Variants in ESRRG observed in about 807,000 individuals in gnomAD.
The protein encoded by ESRRG is estrogen related receptor gamma, also known as estrogen-related receptor gamma.
In ESRRG, 13 loss-of-function variants were observed where a neutral mutation model predicts 44.0. The observed-to-expected ratio is 0.30, with a 90% CI of 0.19 to 0.47. ESRRG has a LOEUF of 0.47. Among genes scored for constraint, ESRRG ranks in the 20% least tolerant of loss-of-function variants. The pLI, the probability that ESRRG is intolerant of heterozygous loss-of-function variation, is 1.00. For synonymous variants in ESRRG, 215 were observed against 214.6 expected (o/e 1.00, Z -0.02); for missense variants, 395 against 580.6 (o/e 0.68, Z 3.29).
intron 2 of ESRRG, among the ~76,000 whole-genome samples, chr1:216,902,306 T>C (rs2059170871): frequency 6.6e-6 from 1 of 152,078 alleles, no homozygotes; most frequent in Non-Finnish European, 1.5e-5. Context: ...CTTGCCAACA[T>C]GGCAAAACCC....
At chr1:216,522,836 C>T (rs1231707598) in intron 5 of ESRRG, among the ~76,000 whole-genome samples, 1 of 152,124 alleles carries the variant, frequency 6.6e-6, no homozygotes, top group Non-Finnish European at 1.5e-5. Flanking sequence ...CATAATTGCT[C>T]TATTGGCTTA....
chr1:216,596,714 G>A (rs1469947687), intron 3 of ESRRG, among the ~76,000 whole-genome samples: 1 of 152,220 alleles, frequency 6.6e-6, no homozygotes, highest in South Asian at 2.1e-4. Flanking sequence ...AGTCAATTTC[G>A]AAATAAGTGA....
At chr1:216,862,937 G>T (rs905544115) in intron 2 of ESRRG, 4 of 152,070 alleles carry the variant, frequency 2.6e-5, no homozygotes, top group African/African-American at 9.7e-5. Flanking sequence ...TACAAACAAA[G>T]ATAAGATTAT....
intron 1 of ESRRG, among the ~76,000 whole-genome samples, chr1:216,972,676 T>G (rs888828873): frequency 6.6e-6 from 1 of 152,214 alleles, no homozygotes; most frequent in Non-Finnish European, 1.5e-5. Flanking sequence ...AACACAAGTT[T>G]AAGTGTCTGC....
chr1:216,766,062 A>T (rs2093057904), intron 2 of ESRRG, among the ~76,000 whole-genome samples: 1 of 152,146 alleles, frequency 6.6e-6, no homozygotes, highest in South Asian at 2.1e-4. Flanking sequence ...TTCGTCACAA[A>T]TCTTGTAAAG....
rs537866412 is a variant in ESRRG at position 216,503,941 on chromosome 1, A to G, written c.*2998T>C. The G allele has an allele frequency of 7.3e-4, 109 of 148,676 alleles. No individual in the cohort carries two copies. Among genetic ancestry groups the G allele is most frequent in the African/African-American group, 2.6e-3 (107 of 41,220 alleles). The allele number at this position is 148,676 out of a possible 1,614,324, so 9.2% of individuals were successfully genotyped here. ...TAAATGGTCTTGCTTGAAACTTGAG[A>G]AGACTTCCCTCTAGTGAGGTTTAAG... is the stretch of plus-strand genomic sequence containing the variant. On this transcript the variant is annotated 3_prime_UTR_variant, in exon 7 of 7. Transcript: ENST00000408911.
chr1:216,680,612 T>C (rs1374557717), intron 1 of ESRRG, among the ~76,000 whole-genome samples: 2 of 152,326 alleles, frequency 1.3e-5, no homozygotes, highest in East Asian at 3.9e-4. Flanking sequence ...CCACCCAGGG[T>C]GTGCAGTGAC....
intron 1 of ESRRG, among the ~76,000 whole-genome samples, chr1:216,699,625 C>T (rs926471519): frequency 1.1e-4 from 16 of 151,958 alleles, no homozygotes; most frequent in African/African-American, 3.9e-4. Flanking sequence ...AGTCATTGTT[C>T]CTTAACTAAT....
intron 1 of ESRRG, among the ~76,000 whole-genome samples, chr1:216,690,372 T>C (rs540655055): frequency 6.6e-6 from 1 of 152,040 alleles, no homozygotes; most frequent in South Asian, 2.1e-4. Flanking sequence ...AAAAACATCC[T>C]GGCCAAGTAA....
chr1:216,600,035 C>T (rs1271484427), intron 3 of ESRRG, among the ~76,000 whole-genome samples: 1 of 152,214 alleles, frequency 6.6e-6, no homozygotes, highest in Non-Finnish European at 1.5e-5. Flanking sequence ...CCCCTGTTAA[C>T]AAAACCTAAA....
At chr1:216,701,946 C>G (rs2081454020) in intron 1 of ESRRG, among the ~76,000 whole-genome samples, 2 of 152,264 alleles carry the variant, frequency 1.3e-5, no homozygotes, top group South Asian at 4.1e-4. Flanking sequence ...AGAAGAACCA[C>G]TAAAAGGAGA....
intron 2 of ESRRG, among the ~76,000 whole-genome samples, chr1:216,762,868 G>A (rs1039610820): frequency 7.2e-5 from 11 of 151,956 alleles, no homozygotes; most frequent in Non-Finnish European, 1.5e-4. Context: ...AAGTGTAGAA[G>A]TACCTTACAC....
At chr1:216,788,264 A>G (rs898670834) in intron 2 of ESRRG, among the ~76,000 whole-genome samples, 1 of 152,162 alleles carries the variant, frequency 6.6e-6, no homozygotes, top group Non-Finnish European at 1.5e-5. Flanking sequence ...CCTGACTTCA[A>G]AGCTCCAAAG....
At chr1:216,740,732 G>T (rs182796251) in intron 2 of ESRRG, among the ~76,000 whole-genome samples, 4 of 151,664 alleles carry the variant, frequency 2.6e-5, no homozygotes, top group Non-Finnish European at 5.9e-5. Context: ...CTATATCACC[G>T]ACAGAGGAAC....
At chr1:216,698,611 A>G (rs1401142696) in intron 1 of ESRRG, among the ~76,000 whole-genome samples, 3 of 151,338 alleles carry the variant, frequency 2.0e-5, no homozygotes, top group African/African-American at 4.9e-5. Context: ...CTCTTTTTTT[A>G]TGGGAAAATC....
intron 1 of ESRRG, among the ~76,000 whole-genome samples, chr1:217,050,336 C>A (rs185946480): frequency 1.3e-5 from 2 of 152,214 alleles, no homozygotes; most frequent in African/African-American, 4.8e-5. Context: ...AAAATATAGC[C>A]CTTCTCCAGA....
At chr1:216,751,611 A>G (rs1275943033) in intron 2 of ESRRG, among the ~76,000 whole-genome samples, 1 of 151,852 alleles carries the variant, frequency 6.6e-6, no homozygotes, top group Non-Finnish European at 1.5e-5. Flanking sequence ...CTGCTTAGGC[A>G]TCAGGGCCTG....
intron 6 of ESRRG, among the ~76,000 whole-genome samples, chr1:216,511,206 A>C (rs147892042): frequency 6.6e-6 from 1 of 152,162 alleles, no homozygotes; most frequent in Non-Finnish European, 1.5e-5. Context: ...CATTGAATGA[A>C]TGAAACAGAA....
upstream of ESRRG, among the ~76,000 whole-genome samples, chr1:217,092,656 C>T (rs538741627): frequency 6.6e-6 from 1 of 152,328 alleles, no homozygotes; most frequent in South Asian, 2.1e-4. Context: ...ACACTGCGAT[C>T]CCAGTGTCGA....
Sources: gnomAD v4.1 joint callset for allele counts (sites outside exome capture counted in the v4.1 genomes callset) on GRCh38, gnomAD v4.1.1 for gene constraint, MANE v1.5 for transcripts, NCBI Gene and HGNC (gene_info 2026-07-23, HGNC 2026-07-21) for gene names.